Variants in CMC1 observed in about 807,000 individuals in gnomAD.
CMC1 encodes COX assembly mitochondrial protein homolog.
CMC1 carries 14 observed loss-of-function variants against 14.1 expected under a neutral mutation model. That is an observed-to-expected ratio of 0.99 (90% CI 0.66 to 1.55). The LOEUF is 1.55. Among genes scored for constraint, CMC1 ranks in the 40% most tolerant of loss-of-function variants. The probability of loss-of-function intolerance (pLI) is 0.00; values close to 1 mark genes in which losing one functional copy is unlikely to be tolerated. For missense variants in CMC1, 127 were observed against 123.8 expected (o/e 1.03, Z -0.12); for synonymous variants, 50 against 38.4 (o/e 1.30, Z -1.12).
intron 2 of CMC1, among the ~76,000 whole-genome samples, chr3:28,285,565 A>G (rs1448127711): frequency 6.6e-6 from 1 of 152,052 alleles, no homozygotes; most frequent in Admixed American, 6.5e-5. Context: ...TGAGAAATCT[A>G]TTGGGTACAG....
At chr3:28,318,752 T>G (rs1675451962) in intron 3 of CMC1, 1 of 153,608 alleles carries the variant, frequency 6.5e-6, no homozygotes, top group Admixed American at 6.5e-5. Context: ...GGCCTGCGCC[T>G]TCCATCATTT....
At chr3:28,245,763 C>T (rs2125415471) in intron 1 of CMC1, among the ~76,000 whole-genome samples, 1 of 152,160 alleles carries the variant, frequency 6.6e-6, no homozygotes, top group Non-Finnish European at 1.5e-5. Flanking sequence ...TTGCAGTACT[C>T]CAAGTTGGGG....
At chr3:28,263,467 A>C in intron 2 of CMC1, 87 bp downstream of exon 2, 1 of 822,510 alleles carries the variant, frequency 1.2e-6, no homozygotes, top group Non-Finnish European at 1.9e-6. Context: ...TCAAGTAGTC[A>C]ATGAATTAAT....
intron 2 of CMC1, chr3:28,294,389 T>G (rs945535602): frequency 2.0e-6 from 1 of 506,154 alleles, no homozygotes; most frequent in Admixed American, 6.4e-5. Flanking sequence ...GGGGTAGTAT[T>G]TCCTTTTTGT....
At chr3:28,275,341 CTTTTTTTTTTT>C (rs71087681) in intron 2 of CMC1, among the ~76,000 whole-genome samples, 1 of 101,066 alleles carries the variant, frequency 9.9e-6, no homozygotes. Flanking sequence ...TTTTTTTTTT[CTTTTTTTTTTT>C]TTTTTACAGC....
intron 2 of CMC1, among the ~76,000 whole-genome samples, chr3:28,302,572 A>G (rs1041807300): frequency 6.6e-6 from 1 of 152,210 alleles, no homozygotes; most frequent in Non-Finnish European, 1.5e-5. Flanking sequence ...TATCTGAAAC[A>G]TGAAATTTAG....
rs1703293097 is a variant in CMC1, at chr3:28,324,193, G to T, written c.*4564G>T. 6.2e-7 allele frequency: 1 copy of T among 1,610,732 alleles called. No homozygotes were observed. The highest frequency in any genetic ancestry group is 8.5e-7 in the Non-Finnish European group (1 of 1,177,648). Reference sequence around the variant, plus strand: ...AAATACCCAGGAATTGTCTTCCAGAGAATTTCTGCCATAAGAACTGTGTTC... The same window carrying T: ...AAATACCCAGGAATTGTCTTCCAGATAATTTCTGCCATAAGAACTGTGTTC... On this transcript the variant is annotated 3_prime_UTR_variant, in exon 4 of 4. Transcript: ENST00000466830.
chr3:28,310,702 TGTA>T (rs1458146331), intron 2 of CMC1, among the ~76,000 whole-genome samples: 2 of 152,206 alleles, frequency 1.3e-5, no homozygotes, highest in Non-Finnish European at 2.9e-5. Context: ...TTTTTAAAGA[TGTA>T]GTGCAGTGAA....
chr3:28,296,197 T>C (rs1440124824), intron 2 of CMC1, among the ~76,000 whole-genome samples: 2 of 152,098 alleles, frequency 1.3e-5, no homozygotes, highest in Non-Finnish European at 2.9e-5. Flanking sequence ...AGATACTTCC[T>C]ATGAAAAAAT....
intron 1 of CMC1, chr3:28,263,088 T>C: frequency 4.0e-6 from 2 of 494,700 alleles, no homozygotes; most frequent in Non-Finnish European, 7.2e-6. Context: ...GTTGCTTGTA[T>C]TCCTCACATT....
intron 2 of CMC1, among the ~76,000 whole-genome samples, chr3:28,292,150 A>T (rs886067492): frequency 1.3e-5 from 2 of 152,140 alleles, no homozygotes; most frequent in East Asian, 1.9e-4. Context: ...GATCCATGGC[A>T]TGTTGAGCCT....
intron 2 of CMC1, among the ~76,000 whole-genome samples, chr3:28,273,313 A>G (rs570614503): frequency 6.6e-6 from 1 of 152,114 alleles, no homozygotes; most frequent in African/African-American, 2.4e-5. Flanking sequence ...ATTGGTTTCA[A>G]ATAACTTATT....
chr3:28,294,972 C>T (rs1701665061), intron 2 of CMC1, among the ~76,000 whole-genome samples: 1 of 134,894 alleles, frequency 7.4e-6, no homozygotes, highest in Non-Finnish European at 1.7e-5. Flanking sequence ...CAGTGCTGAT[C>T]ATTATTGTTA....
chr3:28,300,655 T>G (rs1701987768), intron 2 of CMC1, among the ~76,000 whole-genome samples: 1 of 54,098 alleles, frequency 1.8e-5, no homozygotes. Context: ...CTCCATCCCT[T>G]TCCCTCCCTT....
At chr3:28,253,425 A>T (rs1308847637) in intron 1 of CMC1, among the ~76,000 whole-genome samples, 2 of 152,076 alleles carry the variant, frequency 1.3e-5, no homozygotes, top group East Asian at 3.9e-4. Flanking sequence ...AAGTACACAT[A>T]AAAAAATTAG....
At chr3:28,308,439 G>C (rs916757293) in intron 2 of CMC1, among the ~76,000 whole-genome samples, 1 of 152,018 alleles carries the variant, frequency 6.6e-6, no homozygotes, top group African/African-American at 2.4e-5. Flanking sequence ...TTTTAGCATA[G>C]TTGGAAATAA....
chr3:28,302,953 T>C (rs996334139), intron 2 of CMC1, among the ~76,000 whole-genome samples: 1 of 152,176 alleles, frequency 6.6e-6, no homozygotes, highest in Non-Finnish European at 1.5e-5. Context: ...TGAGATCCAA[T>C]AGTAATTACA....
chr3:28,319,190 AC>A (rs1421295561), intron 3 of CMC1: 1 of 460,336 alleles, frequency 2.2e-6, no homozygotes, highest in Admixed American at 2.4e-5. Context: ...TCCATGGTGC[AC>A]TGGGCCATAC....
intron 1 of CMC1, among the ~76,000 whole-genome samples, chr3:28,246,051 C>T (rs1130269): frequency 6.6e-6 from 1 of 151,968 alleles, no homozygotes; most frequent in Non-Finnish European, 1.5e-5. Flanking sequence ...AATCTGCCCA[C>T]CTCGGCCTCC....
Sources: gnomAD v4.1 joint callset for allele counts (sites outside exome capture counted in the v4.1 genomes callset) on GRCh38, gnomAD v4.1.1 for gene constraint, MANE v1.5 for transcripts, NCBI Gene and HGNC (gene_info 2026-07-23, HGNC 2026-07-21) for gene names.